LAMC3: variants seen among roughly 807,000 people sequenced by gnomAD.
LAMC3 encodes the protein laminin subunit gamma 3, also known as laminin subunit gamma-3.
LAMC3 carries 128 observed loss-of-function variants against 173.8 expected under a neutral mutation model. The ratio of observed to expected loss-of-function variants is 0.74; its 90% confidence interval spans 0.64 to 0.85. The LOEUF (loss-of-function observed/expected upper bound fraction) is 0.85, where lower values mean the gene tolerates loss of function less well. LAMC3 is among the 40% of genes least tolerant of loss of function. LAMC3 has a pLI of 0.00. For missense variants in LAMC3, 2,022 were observed against 2,156.0 expected, an observed-to-expected ratio of 0.94 and a Z score of 1.23; for synonymous variants, 897 against 909.1, an observed-to-expected ratio of 0.99 and a Z score of 0.24.
chr9:131,039,302 A>T (rs1383933560), intron 6 of LAMC3, 54 bp downstream of exon 6: 3 of 1,445,044 alleles, frequency 2.1e-6, no homozygotes, highest in Non-Finnish European at 1.9e-6. Flanking sequence ...GACAAGAAGC[A>T]GGAGGAACAG....
intron 12 of LAMC3, among the ~76,000 whole-genome samples, chr9:131,060,157 A>T (rs1356907963): frequency 1.3e-5 from 2 of 152,188 alleles, no homozygotes; most frequent in Non-Finnish European, 2.9e-5. Context: ...GAGACTAGGT[A>T]TCCCTTGTGT....
rs997188473 is a variant in LAMC3 at position 131,091,891 on chromosome 9, C to T, written c.*104C>T. 8.4e-6 allele frequency: 12 copies of T among 1,432,230 alleles called. No homozygotes were observed. In the South Asian group the frequency reaches 1.0e-4, roughly 12 times the overall value. The allele number at this position is 1,432,230 out of a possible 1,614,324, so 88.7% of individuals were successfully genotyped here. On this transcript the variant is annotated 3_prime_UTR_variant, in exon 28 of 28. Coordinates refer to ENST00000361069, the MANE Select transcript of LAMC3 (RefSeq NM_006059.4). ...TGCCCATACAGACATTCCCCGGAGC[C>T]GGCTGCTGTGAACTCGCCCCCGTGT...
At position 131,091,924 on chromosome 9, in the gene LAMC3, C is replaced by CAT. The variant is rs1830435239; in HGVS notation, c.*138_*139insTA. 1.1e-6 allele frequency: 1 copy of CAT among 896,472 alleles called. No homozygotes were observed. Among genetic ancestry groups the CAT allele is most frequent in the Non-Finnish European group, 1.6e-6 (1 of 640,502 alleles). The allele number at this position is 896,472 out of a possible 1,614,324, so 55.5% of individuals were successfully genotyped here. On this transcript the variant is annotated 3_prime_UTR_variant, in exon 28 of 28. Transcript: ENST00000361069. Reference sequence around the variant, plus strand: ...GTGAACTCGCCCCCGTGTGGATAGTCACTCCCTGCCGATTCTGTCTGTGGC... The same window carrying CAT: ...GTGAACTCGCCCCCGTGTGGATAGTCATACTCCCTGCCGATTCTGTCTGTGGC...
At chr9:131,080,454 A>G (rs1830218576) in intron 23 of LAMC3, 1 of 147,702 alleles carries the variant, frequency 6.8e-6, no homozygotes, top group Non-Finnish European at 1.5e-5. Context: ...ACGCCCAGCT[A>G]ATGTTTGTAT....
At position 131,041,705 on chromosome 9, in the gene LAMC3, A is replaced by C; in HGVS notation, c.1352A>C (p.Lys451Thr). 2 of 1,613,986 alleles carry C rather than the reference A, an allele frequency of 1.2e-6. No individual in the cohort carries two copies. Among genetic ancestry groups the C allele is most frequent in the Non-Finnish European group, 1.7e-6 (2 of 1,180,026 alleles). The change falls in exon 7 of 28, where the codon AAA (lysine) becomes ACA (threonine). Residue 451 changes from lysine to threonine, a missense_variant. Lys to Thr is a moderately conservative substitution (Grantham distance 78, BLOSUM62 -1). Coordinates refer to ENST00000361069, the MANE Select transcript of LAMC3 (RefSeq NM_006059.4). ...CCCCGCAGTGGGCGCTGCCCCTGCA[A>C]AGAGAATGTGGAAGGCAACCTATGT... is the stretch of plus-strand genomic sequence containing the variant. ...CDPRSGRCPC[K>T]ENVEGNLCDR...
intron 7 of LAMC3, among the ~76,000 whole-genome samples, chr9:131,044,942 G>A (rs969261209): frequency 7.2e-5 from 11 of 152,248 alleles, no homozygotes; most frequent in South Asian, 2.1e-4. Context: ...TATTAAAGTC[G>A]CTGGGCGCGG....
Position 131,048,801 on chromosome 9 carries a change from G to T in LAMC3, c.1520-219G>T, listed in dbSNP as rs575806797. ...CCTGATGTCCCAGGGCCCCCATGTGGGGGTCTTCAGGCTGTCTTCATGCTG... is the reference window on the plus strand; with the variant it reads ...CCTGATGTCCCAGGGCCCCCATGTGTGGGTCTTCAGGCTGTCTTCATGCTG... On this transcript the variant is annotated intron_variant, in intron 8 of 27. Transcript: ENST00000361069. Among the ~76,000 whole-genome samples, 8 of 152,194 alleles carry T rather than the reference G, an allele frequency of 5.3e-5. No homozygotes were observed. The East Asian group carries it at 1.6e-3, about 30-fold the overall frequency.
At chr9:131,015,954 G>A (rs898763824) in intron 1 of LAMC3, among the ~76,000 whole-genome samples, 16 of 152,184 alleles carry the variant, frequency 1.1e-4, no homozygotes, top group African/African-American at 3.6e-4. Context: ...CACGGCACCT[G>A]ACCCATAACA....
chr9:131,068,168 C>T lies in LAMC3; in HGVS notation c.2684C>T (p.Ala895Val). ...GQCSCLPHVT[A>V]RDCSRCYPGF... The stretch of plus-strand genomic sequence containing the variant: ...TGCTCCTGCCTGCCTCATGTGACTG[C>T]ACGGGACTGCAGCCGCTGCTACCCT... The change falls in exon 15 of 28, where the codon GCA (alanine) becomes GTA (valine). Residue 895 changes from alanine (A) to valine (V), a missense_variant. Coordinates refer to ENST00000361069, the MANE Select transcript of LAMC3 (RefSeq NM_006059.4). 6.2e-7 allele frequency: 1 copy of T among 1,613,324 alleles called. No individual in the cohort carries two copies. The highest frequency in any genetic ancestry group is 8.5e-7 in the Non-Finnish European group (1 of 1,179,990).
At chr9:131,069,220 G>A (rs886641235) in intron 16 of LAMC3, among the ~76,000 whole-genome samples, 170 bp downstream of exon 16, 5 of 152,202 alleles carry the variant, frequency 3.3e-5, no homozygotes, top group Admixed American at 6.5e-5. Context: ...GGCAGTGGCC[G>A]GGACAGCAGA....
Position 131,030,931 on chromosome 9 carries a change from C to A in LAMC3, c.679-1114C>A, listed in dbSNP as rs116096102. Among the ~76,000 whole-genome samples, 1,183 of 152,370 alleles carry A rather than the reference C, an allele frequency of 7.8e-3. 21 individuals carry two copies. The highest frequency in any genetic ancestry group is 0.028 in the African/African-American group (1,152 of 41,582). On this transcript the variant is annotated intron_variant, in intron 2 of 27. Transcript: ENST00000361069. The stretch of plus-strand genomic sequence containing the variant: ...CACTTTAACCAGATCCCTGAATGCA[C>A]GCTGAGCTTTGGGAAGTGCATCCTG...
intron 8 of LAMC3, among the ~76,000 whole-genome samples, chr9:131,047,968 G>C (rs937799057): frequency 6.7e-6 from 1 of 148,544 alleles, no homozygotes; most frequent in Non-Finnish European, 1.5e-5. Flanking sequence ...GGATGGTCTT[G>C]ATCTCTTGAC....
intron 23 of LAMC3, among the ~76,000 whole-genome samples, chr9:131,080,929 T>TGA (rs1830227150): frequency 6.6e-6 from 1 of 152,238 alleles, no homozygotes; most frequent in Admixed American, 6.5e-5. Context: ...GACATTCACG[T>TGA]GGCATACAAA....
intron 23 of LAMC3, 32 bp from the exon 24 acceptor site, chr9:131,082,027 C>T (rs763131614): frequency 6.4e-7 from 1 of 1,568,918 alleles, no homozygotes; most frequent in Admixed American, 1.7e-5. Context: ...CCTGTGGAGC[C>T]AGCTGCCCAG....
At chr9:131,022,170 C>A (rs191589414) in intron 1 of LAMC3, among the ~76,000 whole-genome samples, 19 of 149,788 alleles carry the variant, frequency 1.3e-4, no homozygotes, top group Non-Finnish European at 2.4e-4. Flanking sequence ...AATGAAAGAC[C>A]GTAAGGAGGG....
At chr9:131,031,187 G>A (rs2133233872) in intron 2 of LAMC3, among the ~76,000 whole-genome samples, 1 of 152,364 alleles carries the variant, frequency 6.6e-6, no homozygotes, top group Non-Finnish European at 1.5e-5. Flanking sequence ...TGCACTGATG[G>A]GCCTGATTGC....
chr9:131,012,862 G>A (rs1488172258), intron 1 of LAMC3, among the ~76,000 whole-genome samples: 1 of 152,206 alleles, frequency 6.6e-6, no homozygotes, highest in Non-Finnish European at 1.5e-5. Flanking sequence ...GATGGAGGTC[G>A]CCGCATTCCC....
chr9:131,009,818 A>G lies in LAMC3; in HGVS notation c.373+231A>G, dbSNP rs1216038885. ...GGTCGCTTGAGCCCAGGAGTTCAAG[A>G]TCAGCCTGGGCAACGTAGTGAGATC... On this transcript the variant is annotated intron_variant, in intron 1 of 27. Transcript: ENST00000361069. This position sits in a 1 kb window ranked among gnomAD's most constrained non-coding sequence, Gnocchi z 4.3. Among the ~76,000 whole-genome samples, 1 of 152,024 alleles carries G rather than the reference A, an allele frequency of 6.6e-6. No individual in the cohort carries two copies. The highest frequency in any genetic ancestry group is 2.4e-5 in the African/African-American group (1 of 41,392).
chr9:131,053,054 G>T, intron 11 of LAMC3, 89 bp downstream of exon 11: 1 of 986,896 alleles, frequency 1.0e-6, no homozygotes, highest in South Asian at 1.3e-5. Context: ...TCTTGTCAGG[G>T]CCTTGCGGCC....
Sources: allele counts gnomAD v4.1 joint callset (sites outside exome capture counted in the v4.1 genomes callset), GRCh38; gene constraint gnomAD v4.1.1; non-coding constraint Gnocchi (gnomAD v3.1); transcripts MANE v1.5; gene names NCBI Gene and HGNC (gene_info 2026-07-23, HGNC 2026-07-21).